Variants in SYT12 observed in about 807,000 individuals in gnomAD.
SYT12 encodes synaptotagmin 12.
A neutral mutation model predicts 39.5 loss-of-function variants in SYT12; 27 were observed. That is an observed-to-expected ratio of 0.68 (90% CI 0.50 to 0.94). The LOEUF is 0.94. Among genes scored for constraint, SYT12 ranks in the 40% least tolerant of loss-of-function variants. The pLI is 0.00. For synonymous variants in SYT12, 233 were observed against 239.7 expected (o/e 0.97, Z 0.26); for missense variants, 536 against 572.6 (o/e 0.94, Z 0.65).
At chr11:67,034,922 C>T in intron 3 of SYT12, 84 bp downstream of exon 3, 1 of 1,077,274 alleles carries the variant, frequency 9.3e-7, no homozygotes, top group Non-Finnish European at 1.3e-6. Context: ...AGCCCCTCTC[C>T]CTCCGTCACC....
At chr11:67,037,104 A>G (rs544849412) in intron 3 of SYT12, among the ~76,000 whole-genome samples, 1 of 152,140 alleles carries the variant, frequency 6.6e-6, no homozygotes, top group East Asian at 1.9e-4. Flanking sequence ...AAAACAAAAA[A>G]ATTAGCTGAG....
upstream of SYT12, among the ~76,000 whole-genome samples, chr11:67,020,909 A>G (rs1317719013): frequency 6.6e-6 from 1 of 152,124 alleles, no homozygotes; most frequent in Non-Finnish European, 1.5e-5. Flanking sequence ...TGTATTTTTT[A>G]GTAGAGACGG....
chr11:67,027,972 G>A (rs150719275), intron 1 of SYT12: 1 of 152,370 alleles, frequency 6.6e-6, no homozygotes, highest in Non-Finnish European at 1.5e-5. Context: ...ACCTTGGGCA[G>A]GTACATGGTG....
At chr11:67,045,281 C>CG (rs1950595339) in intron 6 of SYT12, among the ~76,000 whole-genome samples, 1 of 26,618 alleles carries the variant, frequency 3.8e-5, no homozygotes, top group Non-Finnish European at 7.8e-5. Flanking sequence ...AGCCTTGGGG[C>CG]GGGGGTAGGT....
At chr11:67,014,113 T>C (rs768627502) in intron 3 of SYT12, among the ~76,000 whole-genome samples, 15 of 152,228 alleles carry the variant, frequency 9.9e-5, no homozygotes, top group Non-Finnish European at 1.9e-4. Context: ...ACTGTAAATC[T>C]AAAGTGATTA....
intron 3 of SYT12, among the ~76,000 whole-genome samples, chr11:67,037,549 A>AACATAAAT (rs566985394): frequency 6.9e-6 from 1 of 145,774 alleles, no homozygotes; most frequent in Non-Finnish European, 1.5e-5. Context: ...CATCTCTACC[A>AACATAAAT]AAATAAATAA....
At chr11:67,009,505 T>A (rs1949996375) in intron 1 of SYT12, among the ~76,000 whole-genome samples, 1 of 152,184 alleles carries the variant, frequency 6.6e-6, no homozygotes, top group Non-Finnish European at 1.5e-5. Context: ...TTGGCCAGGC[T>A]GGTCTCGAAC....
chr11:67,045,250 C>T (rs1950594392), intron 6 of SYT12, among the ~76,000 whole-genome samples: 1 of 149,310 alleles, frequency 6.7e-6, no homozygotes, highest in Non-Finnish European at 1.5e-5. Context: ...GCTGGGGGAG[C>T]CTGATCTATT....
intron 7 of SYT12, among the ~76,000 whole-genome samples, chr11:67,046,624 G>A (rs936003089): frequency 6.6e-6 from 1 of 152,218 alleles, no homozygotes; most frequent in Non-Finnish European, 1.5e-5. Flanking sequence ...CAGCATCTCT[G>A]GCCCATCCTG....
At chr11:67,036,579 T>G (rs1353434992) in intron 3 of SYT12, among the ~76,000 whole-genome samples, 2 of 152,208 alleles carry the variant, frequency 1.3e-5, no homozygotes, top group Non-Finnish European at 2.9e-5. Flanking sequence ...GTCCCTCATG[T>G]TCACTCACTT....
At chr11:67,014,612 C>A (rs1317680083) in intron 3 of SYT12, among the ~76,000 whole-genome samples, 1 of 152,128 alleles carries the variant, frequency 6.6e-6, no homozygotes, top group African/African-American at 2.4e-5. Context: ...TGGGTGAGAC[C>A]CAGACTGGAC....
exon 1 of SYT12, chr11:67,006,814 T>G (rs1205205706): frequency 6.6e-6 from 1 of 152,272 alleles, no homozygotes; most frequent in African/African-American, 2.4e-5. Flanking sequence ...GAGCTGTGGC[T>G]GGCAGAGAAG....
chr11:67,026,752 A>G (rs1056844286), intron 1 of SYT12: 1 of 152,154 alleles, frequency 6.6e-6, no homozygotes, highest in Non-Finnish European at 1.5e-5. Context: ...AGTAGCTGGG[A>G]CTACAGGCAT....
rs1379323080 is a variant in SYT12 at position 67,049,990 on chromosome 11, A to G, written c.*1233A>G. The G allele has an allele frequency of 3.3e-5, 5 of 152,224 alleles. No homozygotes were observed. The allele number at this position is 152,224 out of a possible 1,614,324, so 9.4% of individuals were successfully genotyped here. A position where few individuals can be genotyped will look rare whatever the true frequency, so the allele number is the denominator to read the frequency against. On this transcript the variant is annotated 3_prime_UTR_variant, in exon 8 of 8. Transcript: ENST00000527043. ...TAGTTTCTTGCGGGTGAGTGTTCTC[A>G]GAGAAACTTACCAGATCAAGAAAGG...
rs189750677 is a variant in SYT12 at position 67,038,292 on chromosome 11, G to C, written c.229-1519G>C. Among the ~76,000 whole-genome samples, 500 of 151,990 alleles carry C rather than the reference G, an allele frequency of 3.3e-3. 2 individuals carry two copies. Among genetic ancestry groups the C allele is most frequent in the Middle Eastern group, 0.021 (6 of 292 alleles). On this transcript the variant is annotated intron_variant, in intron 3 of 7. Coordinates refer to ENST00000527043, the MANE Select transcript of SYT12 (RefSeq NM_177963.4). ...AGCAGTTCTCCTGCCTCAGCCTCCT[G>C]AGTAGCTGAGATTATAGGTGCATGC...
In SYT12 at chr11:67,048,703, G is replaced by T. The variant is rs751865754; in HGVS notation, c.1212G>T (p.Met404Ile). ...TGGGAACCACACATTGGAACCAGAT[G>T]TTGGCCACGCTGCGCAGGCCCGTGT... ...SGMGTTHWNQ[M>I]LATLRRPVSM... The change falls in exon 8 of 8, where the codon ATG becomes ATT. Residue 404 changes from methionine to isoleucine, a missense_variant. By Grantham distance (10) the Met-to-Ile change is conservative. Coordinates refer to ENST00000527043, the MANE Select transcript of SYT12 (RefSeq NM_177963.4). 6.2e-7 allele frequency: 1 copy of T among 1,611,806 alleles called. No homozygotes were observed.
intron 7 of SYT12, among the ~76,000 whole-genome samples, chr11:67,046,448 G>C (rs557952202): frequency 1.3e-5 from 2 of 152,142 alleles, no homozygotes; most frequent in Non-Finnish European, 2.9e-5. Context: ...AGCCCTCCTC[G>C]GCACTCCTGA....
intron 1 of SYT12, chr11:67,029,599 A>G (rs1950229539): frequency 6.5e-6 from 1 of 152,736 alleles, no homozygotes; most frequent in Non-Finnish European, 1.5e-5. Context: ...CACACCTGTA[A>G]TCTCAGCACT....
In SYT12 at chr11:67,039,878, G is replaced by A; in HGVS notation, c.296G>A (p.Ser99Asn). ...CCACCCAGCCGCAAAGGCAGTCTCA[G>A]CATTGAGGACACCTTTGAGAGCATC... ...RGPPSRKGSL[S>N]IEDTFESISE... is the part of the protein sequence containing the mutation. The change falls in exon 4 of 8, where the codon AGC (serine) becomes AAC (asparagine). Residue 99 changes from serine (S) to asparagine (N), a missense_variant. Physicochemically the swap from Ser to Asn is conservative, Grantham distance 46. Coordinates refer to ENST00000527043, the MANE Select transcript of SYT12 (RefSeq NM_177963.4). The A allele has an allele frequency of 1.2e-6, 2 of 1,613,638 alleles. No homozygotes were observed. The highest frequency in any genetic ancestry group is 1.7e-6 in the Non-Finnish European group (2 of 1,180,038).
Sources: gnomAD v4.1 joint callset for allele counts (sites outside exome capture counted in the v4.1 genomes callset) on GRCh38, gnomAD v4.1.1 for gene constraint, MANE v1.5 for transcripts, NCBI Gene and HGNC (gene_info 2026-07-23, HGNC 2026-07-21) for gene names.